THNSL1: variants seen among roughly 807,000 people sequenced by gnomAD.
The protein encoded by THNSL1 is threonine synthase-like 1.
Under a neutral mutation model 50.4 loss-of-function variants are expected in THNSL1, and 48 were observed. The observed-to-expected ratio is 0.95, with a 90% CI of 0.76 to 1.21. The LOEUF (loss-of-function observed/expected upper bound fraction) is 1.21. THNSL1 is among the 50% of genes most tolerant of loss of function. THNSL1 has a pLI of 0.00. For synonymous variants in THNSL1, 309 were observed against 306.1 expected, an observed-to-expected ratio of 1.01 and a Z score of -0.10; for missense variants, 896 against 871.7, an observed-to-expected ratio of 1.03 and a Z score of -0.35.
the THNSL1 span, among the ~76,000 whole-genome samples, chr10:25,005,176 T>C: frequency 1.3e-5 from 2 of 152,174 alleles, no homozygotes; most frequent in African/African-American, 4.8e-5. Flanking sequence ...GTAGTATAGT[T>C]TGAAGTCAGG....
At chr10:25,011,324 C>T in the THNSL1 span, among the ~76,000 whole-genome samples, 2,027 of 152,040 alleles carry the variant, frequency 0.013, 55 homozygotes, top group African/African-American at 0.046. Context: ...TGTTTGAGTT[C>T]ATTGTAGATT....
chr10:24,981,272 T>G, the THNSL1 span, among the ~76,000 whole-genome samples: 1 of 152,182 alleles, frequency 6.6e-6, no homozygotes, highest in Non-Finnish European at 1.5e-5. Context: ...CCATGAGGCT[T>G]TGTTGGACAC....
At chr10:24,966,394 A>C in the THNSL1 span, among the ~76,000 whole-genome samples, 3 of 152,234 alleles carry the variant, frequency 2.0e-5, no homozygotes, top group Non-Finnish European at 1.5e-5. Context: ...CTGAGACCAC[A>C]ACACCCTCTT....
chr10:25,004,574 G>C, the THNSL1 span, among the ~76,000 whole-genome samples: 1 of 152,160 alleles, frequency 6.6e-6, no homozygotes, highest in Non-Finnish European at 1.5e-5. Context: ...TTTGAGAAGT[G>C]TCTGTTCATT....
chr10:25,002,369 C>G, the THNSL1 span, among the ~76,000 whole-genome samples: 2 of 152,208 alleles, frequency 1.3e-5, no homozygotes, highest in African/African-American at 4.8e-5. Context: ...GCTGTGAATT[C>G]TAGCAGCTTT....
At chr10:24,970,393 G>A in the THNSL1 span, among the ~76,000 whole-genome samples, 1 of 152,178 alleles carries the variant, frequency 6.6e-6, no homozygotes, top group Admixed American at 6.5e-5. Flanking sequence ...AGGAACTGTA[G>A]ACAGAATCCT....
the THNSL1 span, among the ~76,000 whole-genome samples, chr10:24,972,571 A>T: frequency 1.3e-5 from 2 of 152,116 alleles, no homozygotes; most frequent in Non-Finnish European, 2.9e-5. Flanking sequence ...GAAAGGAAAC[A>T]TTTTTATGTG....
chr10:25,021,560 C>T (rs759838631), intron 1 of THNSL1, among the ~76,000 whole-genome samples, 182 bp from the exon 2 acceptor site: 1 of 152,124 alleles, frequency 6.6e-6, no homozygotes, highest in African/African-American at 2.4e-5. Flanking sequence ...TAATGAGACA[C>T]ACATGTTTAA....
the THNSL1 span, among the ~76,000 whole-genome samples, chr10:24,987,221 C>T: frequency 6.6e-6 from 1 of 152,232 alleles, no homozygotes; most frequent in African/African-American, 2.4e-5. Flanking sequence ...GACAACACTG[C>T]TTCTTGTGCC....
chr10:24,999,007 G>T, the THNSL1 span, among the ~76,000 whole-genome samples: 3 of 152,150 alleles, frequency 2.0e-5, no homozygotes, highest in African/African-American at 7.2e-5. Flanking sequence ...TGGTAGTAAT[G>T]GTTGTAATTT....
chr10:24,976,184 C>T, the THNSL1 span, among the ~76,000 whole-genome samples: 6 of 152,244 alleles, frequency 3.9e-5, no homozygotes, highest in African/African-American at 9.6e-5. Flanking sequence ...AGGACTCAGG[C>T]GAGAAGTGTA....
chr10:25,018,112 A>G (rs1276631642), intron 1 of THNSL1, among the ~76,000 whole-genome samples: 2 of 152,196 alleles, frequency 1.3e-5, no homozygotes, highest in Non-Finnish European at 2.9e-5. Flanking sequence ...CTGTATATTT[A>G]TTATGCTTTA....
At chr10:24,956,875 A>G in the THNSL1 span, among the ~76,000 whole-genome samples, 6 of 152,132 alleles carry the variant, frequency 3.9e-5, no homozygotes, top group Admixed American at 2.6e-4. Context: ...CAGCAGCCGC[A>G]TTCGATTCTC....
At chr10:24,997,000 C>A in the THNSL1 span, among the ~76,000 whole-genome samples, 1 of 152,106 alleles carries the variant, frequency 6.6e-6, no homozygotes, top group Non-Finnish European at 1.5e-5. Flanking sequence ...AGGAAGAACA[C>A]GTAAAGATAC....
At chr10:25,012,825 G>A (rs1268407710), upstream of THNSL1, among the ~76,000 whole-genome samples, 1 of 152,178 alleles carries the variant, frequency 6.6e-6, no homozygotes, top group Non-Finnish European at 1.5e-5. Flanking sequence ...GGGACTGTTG[G>A]GAAGGTATGA....
At position 25,025,917 on chromosome 10, in the gene THNSL1, G is replaced by T; in HGVS notation, c.*462G>T. 6.0e-6 allele frequency: 1 copy of T among 165,428 alleles called. No homozygotes were observed. The allele number at this position is 165,428 out of a possible 1,614,324, so 10.2% of individuals were successfully genotyped here. On this transcript the variant is annotated 3_prime_UTR_variant, in exon 3 of 3. Transcript: ENST00000376356. ...AACTCTTCTATTAGGATTTGGGCCA[G>T]TGTTTTTTGTTTGTTTTTTGGTGCA...
At chr10:25,016,022 CCTTT>C (rs1452382903), upstream of THNSL1, 41 of 1,521,520 alleles carry the variant, frequency 2.7e-5, no homozygotes, top group South Asian at 6.7e-5. Context: ...CACTGCTTCC[CCTTT>C]CTTTCTTCTT....
At chr10:24,988,710 A>ATG in the THNSL1 span, among the ~76,000 whole-genome samples, 48 of 20,664 alleles carry the variant, frequency 2.3e-3, 1 homozygote, top group African/African-American at 0.01. Flanking sequence ...ATATATATAT[A>ATG]TATATATATA....
At chr10:25,020,102 G>T (rs1376459075) in intron 1 of THNSL1, among the ~76,000 whole-genome samples, 1 of 151,982 alleles carries the variant, frequency 6.6e-6, no homozygotes, top group Non-Finnish European at 1.5e-5. Flanking sequence ...GCTTAAAATA[G>T]AATATATCTT....
Sources: gnomAD v4.1 joint callset for allele counts (sites outside exome capture counted in the v4.1 genomes callset) on GRCh38, gnomAD v4.1.1 for gene constraint, MANE v1.5 for transcripts, NCBI Gene and HGNC (gene_info 2026-07-23, HGNC 2026-07-21) for gene names.